The following CFAP299 variants were observed in gnomAD, a reference collection of about 807,000 sequenced individuals.
CFAP299 encodes cilia and flagella associated protein 299.
In CFAP299, 21 loss-of-function variants were observed where a neutral mutation model predicts 27.0. That is an observed-to-expected ratio of 0.78 (90% CI 0.55 to 1.12). The LOEUF is 1.12. Among genes scored for constraint, CFAP299 ranks in the 50% most tolerant of loss-of-function variants. The probability of loss-of-function intolerance (pLI) is 0.00; values close to 1 mark genes in which losing one functional copy is unlikely to be tolerated. For synonymous variants in CFAP299, 104 were observed against 98.1 expected, an observed-to-expected ratio of 1.06 and a Z score of -0.36; for missense variants, 310 against 276.6, an observed-to-expected ratio of 1.12 and a Z score of -0.86.
chr4:80,509,156 T>A (rs1422692940), intron 2 of CFAP299, among the ~76,000 whole-genome samples: 1 of 152,148 alleles, frequency 6.6e-6, no homozygotes, highest in East Asian at 1.9e-4. Flanking sequence ...TAACTATAGC[T>A]CTTATAAGTT....
intron 3 of CFAP299, among the ~76,000 whole-genome samples, chr4:80,793,397 C>T (rs1047474298): frequency 2.1e-4 from 32 of 152,120 alleles, no homozygotes; most frequent in African/African-American, 6.7e-4. Context: ...GGTGTATCTG[C>T]CTTTCCCAGC....
intron 4 of CFAP299, among the ~76,000 whole-genome samples, chr4:80,877,665 T>C (rs547000454): frequency 6.6e-6 from 1 of 152,312 alleles, no homozygotes; most frequent in South Asian, 2.1e-4. Flanking sequence ...TTTTAAAATT[T>C]TTGGTCAAAA....
At chr4:80,920,885 A>G (rs988111006) in intron 4 of CFAP299, among the ~76,000 whole-genome samples, 10 of 152,146 alleles carry the variant, frequency 6.6e-5, no homozygotes, top group South Asian at 2.1e-4. Context: ...GCCACTAAAA[A>G]TACTATTCTC....
At chr4:80,535,085 G>A (rs1005308813) in intron 2 of CFAP299, among the ~76,000 whole-genome samples, 3 of 152,064 alleles carry the variant, frequency 2.0e-5, no homozygotes, top group African/African-American at 7.2e-5. Flanking sequence ...TTGTGTGTGT[G>A]TGCCTATTCC....
At chr4:80,896,665 A>T (rs1303280231) in intron 4 of CFAP299, among the ~76,000 whole-genome samples, 2 of 152,184 alleles carry the variant, frequency 1.3e-5, no homozygotes, top group African/African-American at 2.4e-5. Context: ...CTCTGCTTCC[A>T]TATGTAATAA....
chr4:80,668,575 TG>T (rs1332979303), intron 3 of CFAP299, among the ~76,000 whole-genome samples: 2 of 152,196 alleles, frequency 1.3e-5, no homozygotes, highest in Non-Finnish European at 2.9e-5. Context: ...CCCCATTGTT[TG>T]TTATTGGAAA....
At chr4:80,891,789 T>A (rs376445771) in intron 4 of CFAP299, among the ~76,000 whole-genome samples, 1,617 of 34,428 alleles carry the variant, frequency 0.047, 39 homozygotes, top group African/African-American at 0.13. Flanking sequence ...AAAAAAAAAA[T>A]AAAAAAAAAA....
intron 2 of CFAP299, among the ~76,000 whole-genome samples, chr4:80,537,817 T>C (rs909703139): frequency 1.3e-5 from 2 of 150,564 alleles, no homozygotes; most frequent in African/African-American, 4.9e-5. Context: ...AGAGATTAGA[T>C]CTTAAATGTT....
chr4:80,343,788 G>C (rs534196880), intron 1 of CFAP299, among the ~76,000 whole-genome samples: 1 of 112,490 alleles, frequency 8.9e-6, no homozygotes, highest in Admixed American at 1.1e-4. Flanking sequence ...GCGACAGAGC[G>C]AGACTCCGTC....
chr4:80,622,639 A>T (rs1379395623), intron 3 of CFAP299, among the ~76,000 whole-genome samples: 6 of 152,204 alleles, frequency 3.9e-5, no homozygotes, highest in Admixed American at 3.9e-4. Flanking sequence ...GTTTATATTT[A>T]AAGTACCATG....
intron 2 of CFAP299, among the ~76,000 whole-genome samples, chr4:80,559,102 G>C (rs1212418669): frequency 6.6e-6 from 1 of 152,146 alleles, no homozygotes; most frequent in Non-Finnish European, 1.5e-5. Flanking sequence ...GTTAGGGCTG[G>C]AATGTTCAAA....
At chr4:80,481,631 C>T (rs180789151) in intron 2 of CFAP299, among the ~76,000 whole-genome samples, 1 of 151,916 alleles carries the variant, frequency 6.6e-6, no homozygotes, top group Non-Finnish European at 1.5e-5. Context: ...GTCTTTATTT[C>T]CTTATTTTAC....
chr4:80,894,997 A>C (rs1422951973), intron 4 of CFAP299, among the ~76,000 whole-genome samples: 1 of 151,984 alleles, frequency 6.6e-6, no homozygotes, highest in African/African-American at 2.4e-5. Context: ...AGTGGTTGAC[A>C]TTAAGGGAGT....
Position 80,612,335 on chromosome 4 carries a change from T to TA in CFAP299, c.333+29160dup, listed in dbSNP as rs530273480. Reference sequence around the variant, plus strand: ...AGATTGCCTCAATTTGTCACTAAACTAAAAAAAATTATCTCAAAGCACAAT... The same window carrying TA: ...AGATTGCCTCAATTTGTCACTAAACTAAAAAAAAATTATCTCAAAGCACAAT... On this transcript the variant is annotated intron_variant, in intron 3 of 5. Transcript: ENST00000358105. Among the ~76,000 whole-genome samples the TA allele has an allele frequency of 2.5e-3, 386 of 151,994 alleles. 3 individuals are homozygous for TA. The highest frequency in any genetic ancestry group is 8.9e-3 in the African/African-American group (371 of 41,478).
In CFAP299 at chr4:80,963,500, T is replaced by A. The variant is rs1738450926; in HGVS notation, c.607-17T>A. Reference sequence around the variant, plus strand: ...ATTTTTATAGACTTGACTAACAATGTAATTTATGTATTTTAGGCGCAGCCA... The same window carrying A: ...ATTTTTATAGACTTGACTAACAATGAAATTTATGTATTTTAGGCGCAGCCA... On this transcript the variant is annotated splice_polypyrimidine_tract_variant and intron_variant, in intron 5 of 5. Transcript: ENST00000358105. 6.6e-7 allele frequency: 1 copy of A among 1,525,166 alleles called. No individual in the cohort carries two copies. The allele number at this position is 1,525,166 out of a possible 1,614,324, so 94.5% of individuals were successfully genotyped here.
intron 2 of CFAP299, among the ~76,000 whole-genome samples, chr4:80,559,193 T>G (rs919196473): frequency 6.6e-6 from 1 of 152,190 alleles, no homozygotes; most frequent in Non-Finnish European, 1.5e-5. Flanking sequence ...ATGTGAACTT[T>G]CCTTGTAGCT....
intron 2 of CFAP299, among the ~76,000 whole-genome samples, chr4:80,379,541 T>C (rs1578374617): frequency 6.6e-6 from 1 of 152,124 alleles, no homozygotes; most frequent in East Asian, 1.9e-4. Context: ...CCATATGTTT[T>C]CCTCTATGCA....
intron 3 of CFAP299, among the ~76,000 whole-genome samples, chr4:80,708,005 A>C (rs992292130): frequency 6.6e-6 from 1 of 152,096 alleles, no homozygotes; most frequent in African/African-American, 2.4e-5. Flanking sequence ...ATTCTCAACC[A>C]TGAGGAACAA....
At chr4:80,923,098 G>A (rs1335590372) in intron 4 of CFAP299, among the ~76,000 whole-genome samples, 1 of 151,978 alleles carries the variant, frequency 6.6e-6, no homozygotes, top group Non-Finnish European at 1.5e-5. Flanking sequence ...CTCCAAGGGG[G>A]AACATTTGCT....
Sources: allele counts gnomAD v4.1 joint callset (sites outside exome capture counted in the v4.1 genomes callset), GRCh38; gene constraint gnomAD v4.1.1; transcripts MANE v1.5; gene names NCBI Gene and HGNC (gene_info 2026-07-23, HGNC 2026-07-21).